Variants in MCF2L observed in about 807,000 individuals in gnomAD.
MCF2L encodes the protein guanine nucleotide exchange factor DBS.
Under a neutral mutation model 153.4 loss-of-function variants are expected in MCF2L, and 97 were observed. The observed-to-expected ratio is 0.63, with a 90% CI of 0.54 to 0.75. The LOEUF is 0.75. Among genes scored for constraint, MCF2L ranks in the 30% least tolerant of loss-of-function variants. The pLI is 0.00. For synonymous variants in MCF2L, 659 were observed against 632.2 expected (o/e 1.04, Z -0.64); for missense variants, 1,347 against 1,495.2 (o/e 0.90, Z 1.64).
intron 2 of MCF2L, among the ~76,000 whole-genome samples, chr13:112,921,352 A>G (rs140689279): frequency 0.016 from 2,433 of 152,350 alleles, 25 homozygotes; most frequent in Middle Eastern, 0.027. Context: ...CTTGAAGGAT[A>G]AAGACGCCTC....
At chr13:112,985,331 G>T (rs2082590338) in intron 1 of MCF2L, 1 of 459,380 alleles carries the variant, frequency 2.2e-6, no homozygotes, top group African/African-American at 2.0e-5. Context: ...CAAGGAGAGG[G>T]TTGTGGCGAG....
chr13:113,008,853 C>T (rs1038436544), intron 1 of MCF2L: 2 of 152,384 alleles, frequency 1.3e-5, no homozygotes, highest in Middle Eastern at 3.4e-3. Context: ...ACAACACACC[C>T]ATGTGTGCTG....
intron 2 of MCF2L, among the ~76,000 whole-genome samples, chr13:112,929,516 A>G (rs2081440536): frequency 6.6e-6 from 1 of 152,232 alleles, no homozygotes; most frequent in East Asian, 1.9e-4. Flanking sequence ...GAAAAACAAC[A>G]GGGAGTTCAT....
chr13:112,998,339 G>T (rs2083223323), intron 1 of MCF2L, among the ~76,000 whole-genome samples: 1 of 152,194 alleles, frequency 6.6e-6, no homozygotes, highest in African/African-American at 2.4e-5. Context: ...GTCAGGGAAG[G>T]GGGAGCTCAG....
intron 1 of MCF2L, among the ~76,000 whole-genome samples, chr13:112,973,882 G>T (rs1195250471): frequency 1.3e-5 from 2 of 152,148 alleles, no homozygotes; most frequent in Non-Finnish European, 2.9e-5. Flanking sequence ...AGTTTCATGG[G>T]GACTTGTGTT....
chr13:113,036,553 A>G (rs747298500), intron 3 of MCF2L, among the ~76,000 whole-genome samples: 3 of 152,178 alleles, frequency 2.0e-5, no homozygotes, highest in Non-Finnish European at 4.4e-5. Flanking sequence ...CATGGAGGGC[A>G]ACGGCAGTGG....
Position 113,090,883 on chromosome 13 carries a change from C to T in MCF2L, c.2953+1155C>T, listed in dbSNP as rs540914730. The T allele has an allele frequency of 4.6e-3, 5,323 of 1,164,918 alleles. 13 individuals are homozygous for T. The highest frequency in any genetic ancestry group is 5.4e-3 in the Non-Finnish European group (5,060 of 929,912). The allele number at this position is 1,164,918 out of a possible 1,614,324, so 72.2% of individuals were successfully genotyped here. A position where few individuals can be genotyped will look rare whatever the true frequency, so the allele number is the denominator to read the frequency against. ...AGAAAACGTCCCTAGAGACGGGCCC[C>T]GAAAGGACGCCTCTGAGTGCCGCAG... On this transcript the variant is annotated intron_variant, in intron 26 of 29. Coordinates refer to ENST00000535094, the MANE Select transcript of MCF2L (RefSeq NM_001112732.3).
intron 1 of MCF2L, among the ~76,000 whole-genome samples, chr13:112,985,829 C>T (rs1482396894): frequency 6.6e-6 from 1 of 152,190 alleles, no homozygotes; most frequent in Non-Finnish European, 1.5e-5. Flanking sequence ...GGGGCCATGG[C>T]TGCAGGTGCA....
intron 2 of MCF2L, among the ~76,000 whole-genome samples, chr13:112,911,892 C>G (rs573561741): frequency 1.3e-5 from 2 of 152,320 alleles, no homozygotes; most frequent in East Asian, 1.9e-4. Context: ...AAAAGAGGTT[C>G]TGTTTAGCAG....
chr13:113,050,752 TGCGGGGGGCGGTGGCGGGGGGAGGGG>T (rs2087238442), intron 4 of MCF2L, among the ~76,000 whole-genome samples: 1 of 3,218 alleles, frequency 3.1e-4, no homozygotes, highest in Admixed American at 2.5e-3. Flanking sequence ...AGCGGGGGGG[TGCGGGGGGCGGTGGCGGGGGGAGGGG>T]GGCGGCAGGG....
At chr13:112,935,085 C>T (rs2081501650) in intron 2 of MCF2L, among the ~76,000 whole-genome samples, 1 of 152,218 alleles carries the variant, frequency 6.6e-6, no homozygotes. Flanking sequence ...GTTAGGGGCA[C>T]TGCCAATGTA....
chr13:112,982,855 A>C (rs530031458), intron 1 of MCF2L, among the ~76,000 whole-genome samples: 57 of 152,170 alleles, frequency 3.7e-4, no homozygotes, highest in African/African-American at 1.3e-3. Flanking sequence ...GATCAGGGAA[A>C]TTGCAGAGAA....
intron 1 of MCF2L, among the ~76,000 whole-genome samples, chr13:112,971,974 T>G (rs1458482448): frequency 6.6e-6 from 1 of 152,242 alleles, no homozygotes; most frequent in Admixed American, 6.5e-5. Flanking sequence ...TGCGTCACCT[T>G]GGGGGCTTGT....
rs188559766 is a variant in MCF2L at position 113,097,096 on chromosome 13, C to T, written c.*237C>T. 2.9e-5 allele frequency: 10 copies of T among 348,778 alleles called. No homozygotes were observed. Among genetic ancestry groups the T allele is most frequent in the East Asian group, 1.8e-4 (4 of 22,302 alleles). 21.6% of individuals were successfully genotyped at this position (348,778 alleles called of 1,614,324 possible). On this transcript the variant is annotated 3_prime_UTR_variant, in exon 30 of 30. Transcript: ENST00000535094. ...GAGGAGGGGCCGCAGGGAACAGCCC[C>T]GGGCGGCAGGCGCCGGGCAGCGGCA...
chr13:113,048,184 G>A lies in MCF2L; in HGVS notation c.369+2823G>A, dbSNP rs189349788. Among the ~76,000 whole-genome samples, 586 of 152,326 alleles carry A rather than the reference G, an allele frequency of 3.8e-3. 16 individuals are homozygous for A. Among genetic ancestry groups the A allele is most frequent in the Non-Finnish European group, 9.7e-4 (66 of 68,030 alleles). On this transcript the variant is annotated intron_variant, in intron 4 of 29. Transcript: ENST00000535094. ...TGTTCCGTTCACCGAGTGTGTGATC[G>A]GATGAATTTCTTAAGCAGGTTGGCT...
chr13:112,949,785 A>G (rs1283066489), intron 2 of MCF2L, among the ~76,000 whole-genome samples: 2 of 152,256 alleles, frequency 1.3e-5, no homozygotes, highest in East Asian at 3.9e-4. Context: ...CCCACAACTA[A>G]CATGACACTA....
chr13:113,024,442 T>C (rs1234145834), intron 2 of MCF2L, among the ~76,000 whole-genome samples: 1 of 152,274 alleles, frequency 6.6e-6, no homozygotes, highest in African/African-American at 2.4e-5. Flanking sequence ...AGTGATTGTC[T>C]AAATTCACAT....
At chr13:112,906,182 T>C (rs1182865824) in intron 2 of MCF2L, among the ~76,000 whole-genome samples, 1 of 152,222 alleles carries the variant, frequency 6.6e-6, no homozygotes, top group African/African-American at 2.4e-5. Context: ...ATCGTGACAG[T>C]GTTCCACCAC....
chr13:113,020,363 T>G (rs956773378), intron 2 of MCF2L, among the ~76,000 whole-genome samples: 1 of 152,246 alleles, frequency 6.6e-6, no homozygotes, highest in Non-Finnish European at 1.5e-5. Flanking sequence ...ACACCCTTGG[T>G]CACCCGGCTT....
Sources: allele counts gnomAD v4.1 joint callset (sites outside exome capture counted in the v4.1 genomes callset), GRCh38; gene constraint gnomAD v4.1.1; transcripts MANE v1.5; gene names NCBI Gene and HGNC (gene_info 2026-07-23, HGNC 2026-07-21).